The following ITFG1 variants were observed in gnomAD, a reference collection of about 807,000 sequenced individuals.
ITFG1 encodes T-cell immunomodulatory protein.
ITFG1 carries 34 observed loss-of-function variants against 81.8 expected under a neutral mutation model. The observed-to-expected ratio is 0.42, with a 90% CI of 0.32 to 0.55. The LOEUF is 0.55. ITFG1 is among the 20% of genes least tolerant of loss of function. The pLI is 0.17. For synonymous variants in ITFG1, 285 were observed against 270.6 expected (o/e 1.05, Z -0.52); for missense variants, 672 against 755.4 (o/e 0.89, Z 1.29).
At chr16:47,371,531 T>G (rs553701655) in intron 7 of ITFG1, among the ~76,000 whole-genome samples, 1 of 152,202 alleles carries the variant, frequency 6.6e-6, no homozygotes, top group Non-Finnish European at 1.5e-5. Context: ...TAGCCTTTCA[T>G]AGATGACTAT....
At chr16:47,455,227 T>G (rs1447669806) in intron 2 of ITFG1, among the ~76,000 whole-genome samples, 1 of 152,142 alleles carries the variant, frequency 6.6e-6, no homozygotes. Context: ...AATTATTTCT[T>G]TTGCACCTTA....
chr16:47,384,896 G>A (rs1268523741), intron 6 of ITFG1, among the ~76,000 whole-genome samples: 1 of 152,182 alleles, frequency 6.6e-6, no homozygotes, highest in Admixed American at 6.5e-5. Flanking sequence ...TGGCCAATGT[G>A]GTGAGGTTAC....
At chr16:47,245,368 T>C (rs1965988603) in intron 12 of ITFG1, among the ~76,000 whole-genome samples, 1 of 152,018 alleles carries the variant, frequency 6.6e-6, no homozygotes, top group Admixed American at 6.6e-5. Context: ...AAAAATTATG[T>C]AGATGAAATC....
chr16:47,330,838 C>A (rs1967627331), intron 8 of ITFG1, among the ~76,000 whole-genome samples: 1 of 152,028 alleles, frequency 6.6e-6, no homozygotes. Context: ...GGCAAGGCTG[C>A]AGAGAAAAGG....
In ITFG1 at chr16:47,231,045, G is replaced by A. The variant is rs531223323; in HGVS notation, c.1374+6920C>T. 6.6e-5 allele frequency among the ~76,000 whole-genome samples: 10 copies of A among 152,334 alleles called. No homozygotes were observed. In the East Asian group the frequency reaches 1.9e-3, roughly 29 times the overall value. On this transcript the variant is annotated intron_variant, in intron 13 of 17. Coordinates refer to ENST00000320640, the MANE Select transcript of ITFG1 (RefSeq NM_030790.5). ...TTACAGGCGTGAGCCACCGCGCCCA[G>A]CCCAAATGACAAATTATTAAGCACC...
intron 10 of ITFG1, among the ~76,000 whole-genome samples, chr16:47,285,966 T>C (rs1024116583): frequency 6.6e-6 from 1 of 152,142 alleles, no homozygotes. Flanking sequence ...ACACTCAGTG[T>C]AAGTACCACT....
chr16:47,244,598 T>C (rs1470052713), intron 12 of ITFG1, among the ~76,000 whole-genome samples: 4 of 1,400 alleles, frequency 2.9e-3, no homozygotes, highest in African/African-American at 5.0e-3. Context: ...CTTTTGTGTG[T>C]GTGTGTGTGT....
intron 6 of ITFG1, among the ~76,000 whole-genome samples, chr16:47,426,972 C>T (rs1969028508): frequency 6.6e-6 from 1 of 152,076 alleles, no homozygotes; most frequent in Non-Finnish European, 1.5e-5. Flanking sequence ...TGAATGCTCA[C>T]AAAAACAGGT....
At chr16:47,322,668 C>T (rs113726986) in intron 8 of ITFG1, among the ~76,000 whole-genome samples, 6 of 152,246 alleles carry the variant, frequency 3.9e-5, no homozygotes, top group South Asian at 4.1e-4. Flanking sequence ...CCAGCCTGGG[C>T]GATACAGTGA....
intron 8 of ITFG1, among the ~76,000 whole-genome samples, chr16:47,355,407 G>T (rs2151583294): frequency 6.6e-6 from 1 of 152,202 alleles, no homozygotes; most frequent in East Asian, 1.9e-4. Context: ...GAGAGAGCTT[G>T]GTCAAAGGGC....
At chr16:47,205,301 A>G (rs2151522030) in intron 14 of ITFG1, among the ~76,000 whole-genome samples, 1 of 152,314 alleles carries the variant, frequency 6.6e-6, no homozygotes, top group East Asian at 1.9e-4. Flanking sequence ...AGATGCCAGT[A>G]GCACCCTCCC....
chr16:47,355,165 TA>T (rs1016741339), intron 8 of ITFG1, among the ~76,000 whole-genome samples: 3 of 150,712 alleles, frequency 2.0e-5, no homozygotes, highest in Non-Finnish European at 3.0e-5. Flanking sequence ...TATGAATGGA[TA>T]AAAAAAAATG....
chr16:47,229,508 T>C (rs1965792864), intron 13 of ITFG1, among the ~76,000 whole-genome samples: 1 of 151,868 alleles, frequency 6.6e-6, no homozygotes, highest in Non-Finnish European at 1.5e-5. Context: ...AGATCATCTC[T>C]CAAGGGTAAA....
chr16:47,223,396 A>T (rs1965717422), intron 13 of ITFG1, among the ~76,000 whole-genome samples: 1 of 152,126 alleles, frequency 6.6e-6, no homozygotes, highest in Admixed American at 6.6e-5. Flanking sequence ...CAAGAAAAAA[A>T]CAAACAACCC....
At chr16:47,421,310 A>AC (rs1968945803) in intron 6 of ITFG1, among the ~76,000 whole-genome samples, 1 of 150,096 alleles carries the variant, frequency 6.7e-6, no homozygotes, top group African/African-American at 2.5e-5. Flanking sequence ...ACACACATAC[A>AC]TATTTTTTTT....
chr16:47,429,006 A>G (rs1969059876), intron 5 of ITFG1, 108 bp from the exon 6 acceptor site: 1 of 672,196 alleles, frequency 1.5e-6, no homozygotes, highest in African/African-American at 1.8e-5. Flanking sequence ...ATTTTCATTG[A>G]TATATTCAAC....
chr16:47,248,759 T>C (rs569448247), intron 12 of ITFG1, among the ~76,000 whole-genome samples: 2 of 152,310 alleles, frequency 1.3e-5, no homozygotes, highest in East Asian at 1.9e-4. Context: ...ATTACTGATA[T>C]AAAAATATAG....
At chr16:47,260,834 TA>T in intron 10 of ITFG1, 139 bp from the exon 11 acceptor site, 1 of 927,276 alleles carries the variant, frequency 1.1e-6, no homozygotes. Flanking sequence ...ATTTTTTGTT[TA>T]TAGTACTGTC....
At chr16:47,199,191 T>TGGGAGGCAGAGGTTGCA (rs1250880135) in intron 14 of ITFG1, among the ~76,000 whole-genome samples, 4 of 151,980 alleles carry the variant, frequency 2.6e-5, no homozygotes, top group Non-Finnish European at 5.9e-5. Context: ...TGCTTGAACC[T>TGGGAGGCAGAGGTTGCA]GGGAGGCAGA....
Sources: gnomAD v4.1 joint callset for allele counts (sites outside exome capture counted in the v4.1 genomes callset) on GRCh38, gnomAD v4.1.1 for gene constraint, MANE v1.5 for transcripts, NCBI Gene and HGNC (gene_info 2026-07-23, HGNC 2026-07-21) for gene names.